Variants in HS6ST3 observed in about 807,000 individuals in gnomAD.
HS6ST3 encodes the protein heparan sulfate 6-O-sulfotransferase 3.
A neutral mutation model predicts 36.7 loss-of-function variants in HS6ST3; 12 were observed. That is an observed-to-expected ratio of 0.33 (90% CI 0.21 to 0.53). HS6ST3 has a LOEUF of 0.53. Among genes scored for constraint, HS6ST3 ranks in the 20% least tolerant of loss-of-function variants. The probability of loss-of-function intolerance (pLI) is 0.95; values close to 1 mark genes in which losing one functional copy is unlikely to be tolerated. For missense variants in HS6ST3, 584 were observed against 640.9 expected (o/e 0.91, Z 0.96); for synonymous variants, 240 against 257.5 (o/e 0.93, Z 0.65).
intron 1 of HS6ST3, among the ~76,000 whole-genome samples, chr13:96,316,289 G>GTA (rs1011541912): frequency 1.4e-5 from 2 of 143,472 alleles, no homozygotes; most frequent in Admixed American, 1.4e-4. Flanking sequence ...GTGTGTGTGT[G>GTA]TGTGTGTGTG....
At chr13:96,512,973 T>C (rs1594797298) in intron 1 of HS6ST3, among the ~76,000 whole-genome samples, 1 of 152,012 alleles carries the variant, frequency 6.6e-6, no homozygotes, top group Non-Finnish European at 1.5e-5. Context: ...GACGGCATCA[T>C]AGATGTTGTC....
chr13:96,542,745 TG>T (rs2056183123), intron 1 of HS6ST3, among the ~76,000 whole-genome samples: 1 of 152,160 alleles, frequency 6.6e-6, no homozygotes, highest in South Asian at 2.1e-4. Flanking sequence ...GTATGTCCTA[TG>T]GGGAAGAGGA....
intron 1 of HS6ST3, among the ~76,000 whole-genome samples, chr13:96,376,612 G>A (rs1378828730): frequency 6.6e-6 from 1 of 152,076 alleles, no homozygotes; most frequent in Non-Finnish European, 1.5e-5. Context: ...GTTATCTATG[G>A]CATCTATTGA....
intron 1 of HS6ST3, among the ~76,000 whole-genome samples, chr13:96,328,394 T>C (rs1278693973): frequency 4.6e-5 from 7 of 151,896 alleles, no homozygotes; most frequent in South Asian, 2.1e-4. Context: ...GCATGAAGGG[T>C]TGTTGAATTT....
chr13:96,545,592 C>T (rs1015906175), intron 1 of HS6ST3, among the ~76,000 whole-genome samples: 5 of 152,164 alleles, frequency 3.3e-5, no homozygotes, highest in African/African-American at 1.2e-4. Context: ...CTCATAACTT[C>T]AGAAGAGAGA....
intron 1 of HS6ST3, among the ~76,000 whole-genome samples, chr13:96,654,343 T>A (rs924284408): frequency 2.1e-4 from 32 of 152,330 alleles, no homozygotes; most frequent in Admixed American, 2.6e-4. Context: ...TGGTTTTAGG[T>A]CTTACATTTA....
At chr13:96,477,993 G>T (rs2055872292) in intron 1 of HS6ST3, among the ~76,000 whole-genome samples, 1 of 151,964 alleles carries the variant, frequency 6.6e-6, no homozygotes, top group Non-Finnish European at 1.5e-5. Context: ...TTTTTGCCTG[G>T]GTATCCATAA....
intron 1 of HS6ST3, among the ~76,000 whole-genome samples, chr13:96,375,482 G>C (rs2055310467): frequency 6.6e-6 from 1 of 152,114 alleles, no homozygotes; most frequent in African/African-American, 2.4e-5. Context: ...TTGAATGAAT[G>C]ACTTCATTTT....
At chr13:96,100,141 G>A (rs1165742691) in intron 1 of HS6ST3, among the ~76,000 whole-genome samples, 1 of 151,736 alleles carries the variant, frequency 6.6e-6, no homozygotes, top group Middle Eastern at 3.4e-3. Flanking sequence ...TCAGAAAGAA[G>A]GTAATATTGA....
chr13:96,505,765 G>C (rs762616705), intron 1 of HS6ST3, among the ~76,000 whole-genome samples: 3 of 152,002 alleles, frequency 2.0e-5, no homozygotes, highest in African/African-American at 7.2e-5. Context: ...TCTTCTTTAC[G>C]CTCAATAAAA....
intron 1 of HS6ST3, among the ~76,000 whole-genome samples, chr13:96,148,036 G>GGT (rs1336352204): frequency 6.6e-6 from 1 of 151,988 alleles, no homozygotes. Flanking sequence ...CCAAAAATTG[G>GGT]GTAAATAATT....
chr13:96,496,141 T>TACCCAACACCTTTTTCATCCCATTCC (rs1353934450), intron 1 of HS6ST3, among the ~76,000 whole-genome samples: 12 of 152,218 alleles, frequency 7.9e-5, no homozygotes, highest in Non-Finnish European at 1.5e-4. Flanking sequence ...CATCCCATTC[T>TACCCAACACCTTTTTCATCCCATTCC]ACCCAACACC....
At chr13:96,756,159 G>A (rs1033856703) in intron 1 of HS6ST3, among the ~76,000 whole-genome samples, 7 of 152,116 alleles carry the variant, frequency 4.6e-5, no homozygotes, top group Non-Finnish European at 1.0e-4. Flanking sequence ...TTTGTGACGT[G>A]TCTGTTCAAA....
intron 1 of HS6ST3, among the ~76,000 whole-genome samples, chr13:96,824,134 C>A (rs1251148046): frequency 1.3e-5 from 2 of 152,270 alleles, no homozygotes; most frequent in Non-Finnish European, 2.9e-5. Context: ...ATCCCCTCAT[C>A]TTACCTATTG....
chr13:96,683,004 G>A (rs1022450578), intron 1 of HS6ST3, among the ~76,000 whole-genome samples: 1 of 152,076 alleles, frequency 6.6e-6, no homozygotes, highest in Non-Finnish European at 1.5e-5. Flanking sequence ...TGCATTGAAT[G>A]GAAGGTATTT....
chr13:96,396,103 G>A (rs1196292426), intron 1 of HS6ST3, among the ~76,000 whole-genome samples: 1 of 151,956 alleles, frequency 6.6e-6, no homozygotes, highest in African/African-American at 2.4e-5. Context: ...CACTTGAGGT[G>A]AGGAGTTCAA....
At chr13:96,428,341 G>A (rs186012179) in intron 1 of HS6ST3, among the ~76,000 whole-genome samples, 15 of 152,280 alleles carry the variant, frequency 9.9e-5, no homozygotes, top group African/African-American at 2.6e-4. Flanking sequence ...GCGAGACTCC[G>A]TCTCAAAAAA....
At chr13:96,562,659 A>C (rs1448176620) in intron 1 of HS6ST3, among the ~76,000 whole-genome samples, 1 of 152,160 alleles carries the variant, frequency 6.6e-6, no homozygotes, top group Non-Finnish European at 1.5e-5. Context: ...AAGGAAGTTG[A>C]ATCTCTTTTT....
chr13:96,294,772 C>G, intron 1 of HS6ST3, among the ~76,000 whole-genome samples: 1 of 151,932 alleles, frequency 6.6e-6, no homozygotes, highest in Non-Finnish European at 1.5e-5. Context: ...TATTTAGATT[C>G]TTTTAAAATA....
Sources: allele counts gnomAD v4.1 joint callset (sites outside exome capture counted in the v4.1 genomes callset), GRCh38; gene constraint gnomAD v4.1.1; transcripts MANE v1.5; gene names NCBI Gene and HGNC (gene_info 2026-07-23, HGNC 2026-07-21).